The following SENP1 variants were observed in gnomAD, a reference collection of about 807,000 sequenced individuals.
The protein encoded by SENP1 is SUMO specific peptidase 1.
A neutral mutation model predicts 93.0 loss-of-function variants in SENP1; 21 were observed. The observed-to-expected ratio is 0.23, with a 90% CI of 0.16 to 0.33. The LOEUF is 0.33. Among genes scored for constraint, SENP1 ranks in the 10% least tolerant of loss-of-function variants. The probability of loss-of-function intolerance (pLI) is 1.00; values close to 1 mark genes in which losing one functional copy is unlikely to be tolerated. For synonymous variants in SENP1, 256 were observed against 259.6 expected (o/e 0.99, Z 0.13); for missense variants, 591 against 758.7 (o/e 0.78, Z 2.60).
intron 13 of SENP1, chr12:48,055,738 T>C (rs1942195779): frequency 6.7e-6 from 1 of 149,348 alleles, no homozygotes; most frequent in Non-Finnish European, 1.5e-5. Flanking sequence ...GACTACATGC[T>C]AAAATGACAT....
intron 6 of SENP1, among the ~76,000 whole-genome samples, chr12:48,075,985 A>G (rs545535941): frequency 6.6e-5 from 10 of 152,344 alleles, no homozygotes; most frequent in African/African-American, 2.2e-4. Flanking sequence ...AATGCGTTCC[A>G]AAAATAGTAA....
At chr12:48,071,209 C>G (rs548817944) in intron 9 of SENP1, among the ~76,000 whole-genome samples, 27 of 152,124 alleles carry the variant, frequency 1.8e-4, no homozygotes, top group Non-Finnish European at 3.7e-4. Flanking sequence ...AATTATAAAG[C>G]CACTAAAATA....
In SENP1 at chr12:48,090,298, T is replaced by C. The variant is rs1420868413; in HGVS notation, c.221-1338A>G. Among the ~76,000 whole-genome samples, 6 of 152,210 alleles carry C rather than the reference T, an allele frequency of 3.9e-5. No individual in the cohort carries two copies. The East Asian group carries it at 9.6e-4, about 24-fold the overall frequency. On this transcript the variant is annotated intron_variant, in intron 4 of 17. Transcript: ENST00000549518. ...ATATTTGTCTCTCACACATTTTGGC[T>C]AAAATTTGATTAGGGCATGATCTAA...
chr12:48,101,512 A>G lies in SENP1; in HGVS notation c.-40T>C, dbSNP rs1945931815. The G allele has an allele frequency of 6.4e-7, 1 of 1,568,318 alleles. No homozygotes were observed. On this transcript the variant is annotated 5_prime_UTR_variant, in exon 2 of 18. Coordinates refer to ENST00000549518, the MANE Select transcript of SENP1 (RefSeq NM_001267594.2). The stretch of plus-strand genomic sequence containing the variant: ...CATCACTGACTTTAGCAAAGATACA[A>G]AGTCCTATAAAAGAAGACACAAAAC...
intron 13 of SENP1, among the ~76,000 whole-genome samples, chr12:48,056,130 ATAT>A (rs1403074100): frequency 4.9e-5 from 2 of 41,212 alleles, no homozygotes; most frequent in African/African-American, 1.0e-4. Flanking sequence ...AATATAGTAT[ATAT>A]TATTTTATAT....
At chr12:48,082,224 T>G (rs1328223183) in intron 6 of SENP1, among the ~76,000 whole-genome samples, 1 of 152,184 alleles carries the variant, frequency 6.6e-6, no homozygotes, top group Non-Finnish European at 1.5e-5. Context: ...ATGCACAGCA[T>G]TTTTAGTAAC....
intron 4 of SENP1, among the ~76,000 whole-genome samples, chr12:48,091,876 T>A (rs1221230991): frequency 6.6e-6 from 1 of 152,150 alleles, no homozygotes; most frequent in Non-Finnish European, 1.5e-5. Flanking sequence ...AGACAGGGTC[T>A]CAGTACGTTG....
chr12:48,078,360 C>CATACATATATATATAT (rs1944281163), intron 6 of SENP1, among the ~76,000 whole-genome samples: 1 of 70,408 alleles, frequency 1.4e-5, no homozygotes, highest in African/African-American at 4.2e-5. Flanking sequence ...TATACACACA[C>CATACATATATATATAT]ACACATACAC....
chr12:48,057,127 T>C (rs1250845629), intron 13 of SENP1, among the ~76,000 whole-genome samples: 1 of 99,620 alleles, frequency 1.0e-5, no homozygotes, highest in Admixed American at 1.6e-4. Context: ...ATATATTACA[T>C]ATATAAATAT....
chr12:48,085,315 T>G, intron 5 of SENP1: 2 of 1,490,474 alleles, frequency 1.3e-6, no homozygotes, highest in Non-Finnish European at 1.9e-6. Context: ...CAGCACTCTA[T>G]CCCTACTGTC....
In SENP1 at chr12:48,088,820, C is replaced by A. The variant is rs553082909; in HGVS notation, c.361G>T (p.Glu121Ter). The A allele has an allele frequency of 6.2e-7, 1 of 1,609,790 alleles. No individual in the cohort carries two copies. The highest frequency in any genetic ancestry group is 2.2e-5 in the East Asian group (1 of 44,834). ...KSRNSRSLYL[E>*]TRKTSSGLSN... ...ACGAACCTTGAGGTCTTTCGGGTTT[C>A]GAGGTAAAGACTTCGGCTGTTTCTT... The change falls in exon 5 of 18, where the codon GAA becomes TAA. Residue 121 changes from glutamate (E) to a stop codon, truncating the protein, a stop_gained. Transcript: ENST00000549518. LOFTEE classifies it high-confidence loss of function.
chr12:48,064,336 G>C (rs61235451), intron 12 of SENP1, among the ~76,000 whole-genome samples: 1 of 152,148 alleles, frequency 6.6e-6, no homozygotes, highest in Non-Finnish European at 1.5e-5. Flanking sequence ...CTACATGGTA[G>C]TGTTTCAAAG....
intron 13 of SENP1, among the ~76,000 whole-genome samples, chr12:48,060,163 C>T (rs1297519866): frequency 6.6e-6 from 1 of 152,182 alleles, no homozygotes; most frequent in Non-Finnish European, 1.5e-5. Context: ...CCTGGTACTA[C>T]CTGTTATCCA....
intron 9 of SENP1, among the ~76,000 whole-genome samples, 163 bp from the exon 10 acceptor site, chr12:48,067,128 G>C (rs1207982697): frequency 5.3e-5 from 8 of 152,184 alleles, no homozygotes; most frequent in African/African-American, 1.9e-4. Flanking sequence ...TTGTAACTAG[G>C]AATTAAGGAG....
At chr12:48,076,675 A>C (rs1592389419) in intron 6 of SENP1, among the ~76,000 whole-genome samples, 1 of 138,538 alleles carries the variant, frequency 7.2e-6, no homozygotes, top group Non-Finnish European at 1.5e-5. Context: ...ACGGAGTCTC[A>C]CTCTGTCACC....
intron 4 of SENP1, among the ~76,000 whole-genome samples, chr12:48,091,659 C>T (rs1945233694): frequency 6.6e-6 from 1 of 151,840 alleles, no homozygotes; most frequent in African/African-American, 2.4e-5. Context: ...TCTTTTCATC[C>T]CACTTTTCTC....
At chr12:48,093,337 G>A (rs923137806) in intron 4 of SENP1, among the ~76,000 whole-genome samples, 5 of 144,994 alleles carry the variant, frequency 3.4e-5, no homozygotes, top group African/African-American at 1.3e-4. Context: ...AGGATGGAGT[G>A]CAGTGGCGCG....
chr12:48,082,356 CAT>C (rs746530627), intron 6 of SENP1, among the ~76,000 whole-genome samples: 1 of 152,138 alleles, frequency 6.6e-6, no homozygotes, highest in Non-Finnish European at 1.5e-5. Flanking sequence ...GGGCAGGAAC[CAT>C]ATTGCTGTGT....
At chr12:48,105,468 G>A (rs1409936940) in intron 1 of SENP1, 2 of 518,892 alleles carry the variant, frequency 3.9e-6, no homozygotes, top group African/African-American at 1.9e-5. Flanking sequence ...TGAGCAGGAG[G>A]GTCCAGACGT....
Sources: allele counts gnomAD v4.1 joint callset (sites outside exome capture counted in the v4.1 genomes callset), GRCh38; gene constraint gnomAD v4.1.1; transcripts MANE v1.5; gene names NCBI Gene and HGNC (gene_info 2026-07-23, HGNC 2026-07-21).